The following POU6F2 variants were observed in gnomAD, a reference collection of about 807,000 sequenced individuals.
POU6F2 encodes the protein POU domain, class 6, transcription factor 2.
Under a neutral mutation model 71.3 loss-of-function variants are expected in POU6F2, and 31 were observed. The observed-to-expected ratio is 0.43, with a 90% confidence interval of 0.33 to 0.59. POU6F2 has a LOEUF of 0.59. POU6F2 is among the 20% of genes least tolerant of loss of function. POU6F2 has a pLI of 0.04. For synonymous variants in POU6F2, 347 were observed against 355.7 expected (o/e 0.98, Z 0.27); for missense variants, 783 against 856.8 (o/e 0.91, Z 1.07).
chr7:39,144,586 G>C (rs1008891661), intron 2 of POU6F2, among the ~76,000 whole-genome samples: 36 of 152,154 alleles, frequency 2.4e-4, no homozygotes, highest in African/African-American at 8.7e-4. Context: ...AGTTCAAGTG[G>C]CCTTTGGAGT....
chr7:39,229,676 T>C (rs533827456), intron 4 of POU6F2, among the ~76,000 whole-genome samples: 3 of 152,316 alleles, frequency 2.0e-5, no homozygotes, highest in African/African-American at 7.2e-5. Context: ...TCAGTAATGA[T>C]CCAAATATTA....
chr7:39,074,614 C>T (rs572455720), intron 1 of POU6F2, among the ~76,000 whole-genome samples: 15 of 151,978 alleles, frequency 9.9e-5, no homozygotes, highest in Non-Finnish European at 1.8e-4. Context: ...CAGCACTGTC[C>T]TAATATTTGA....
intron 4 of POU6F2, among the ~76,000 whole-genome samples, chr7:39,214,330 C>T (rs1794198755): frequency 6.6e-6 from 1 of 152,254 alleles, no homozygotes; most frequent in African/African-American, 2.4e-5. Flanking sequence ...GCCTTCCTTC[C>T]TCCTCCTCCC....
intron 4 of POU6F2, among the ~76,000 whole-genome samples, chr7:39,304,765 A>G (rs1785019378): frequency 1.3e-5 from 2 of 152,340 alleles, no homozygotes; most frequent in African/African-American, 4.8e-5. Flanking sequence ...TCTTGCAGAA[A>G]ATGTCTAAAT....
At chr7:39,341,332 G>T (rs1223375547) in intron 5 of POU6F2, among the ~76,000 whole-genome samples, 1 of 152,048 alleles carries the variant, frequency 6.6e-6, no homozygotes, top group Admixed American at 6.6e-5. Flanking sequence ...CTTTCAATTT[G>T]AACATTTTCA....
chr7:39,420,759 G>T (rs906372207), intron 6 of POU6F2, among the ~76,000 whole-genome samples: 1 of 152,098 alleles, frequency 6.6e-6, no homozygotes, highest in East Asian at 1.9e-4. Flanking sequence ...TATAGGGCTA[G>T]TCTATGAATG....
chr7:39,099,162 C>A, intron 2 of POU6F2, among the ~76,000 whole-genome samples: 1 of 152,212 alleles, frequency 6.6e-6, no homozygotes, highest in East Asian at 1.9e-4. Context: ...TGGAACAGGG[C>A]AGTTACACAT....
intron 2 of POU6F2, among the ~76,000 whole-genome samples, chr7:39,134,287 T>A (rs929115996): frequency 6.6e-6 from 1 of 152,204 alleles, no homozygotes; most frequent in African/African-American, 2.4e-5. Flanking sequence ...TATATGAGAA[T>A]CACCTGGTAG....
chr7:39,354,559 T>C (rs1357137598), intron 5 of POU6F2, among the ~76,000 whole-genome samples: 5 of 152,196 alleles, frequency 3.3e-5, no homozygotes, highest in Non-Finnish European at 7.3e-5. Flanking sequence ...TACCATACCA[T>C]GTGTTCAGGG....
intron 1 of POU6F2, among the ~76,000 whole-genome samples, chr7:39,081,319 A>T (rs747003981): frequency 1.3e-5 from 2 of 152,226 alleles, no homozygotes; most frequent in Non-Finnish European, 2.9e-5. Context: ...TCTATTAGAT[A>T]ATATAAGAGT....
intron 1 of POU6F2, among the ~76,000 whole-genome samples, chr7:38,989,121 C>G (rs1307758547): frequency 6.6e-6 from 1 of 152,038 alleles, no homozygotes; most frequent in East Asian, 1.9e-4. Flanking sequence ...AGAGCTGCTC[C>G]TAACTTTGAG....
chr7:39,004,853 G>A (rs955165792), intron 1 of POU6F2, among the ~76,000 whole-genome samples: 6 of 152,066 alleles, frequency 3.9e-5, no homozygotes, highest in Admixed American at 6.6e-5. Context: ...ATGTGATGCC[G>A]CCCTGATTTG....
At chr7:38,989,167 C>T (rs930146924) in intron 1 of POU6F2, among the ~76,000 whole-genome samples, 1 of 151,994 alleles carries the variant, frequency 6.6e-6, no homozygotes, top group African/African-American at 2.4e-5. Context: ...AGTTGATGTC[C>T]CAATCCTCCA....
intron 4 of POU6F2, among the ~76,000 whole-genome samples, chr7:39,238,130 A>G (rs1222928144): frequency 6.6e-6 from 1 of 152,174 alleles, no homozygotes; most frequent in East Asian, 1.9e-4. Context: ...CTAAATGTGC[A>G]TGGAAAGAGC....
chr7:39,225,966 AGGTTGTTTTTTTTT>A lies in POU6F2; in HGVS notation c.598+18347_598+18360del. Among the ~76,000 whole-genome samples, 3 of 151,636 alleles carry A rather than the reference AGGTTGTTTTTTTTT, an allele frequency of 2.0e-5. 1 individual carries two copies. In the East Asian group the frequency reaches 5.8e-4, roughly 29 times the overall value. On this transcript the variant is annotated intron_variant, in intron 4 of 9. Coordinates refer to ENST00000518318, the MANE Select transcript of POU6F2 (RefSeq NM_001370959.1). ...TAGAATTAATTCCTTTAAAAAAAAA[AGGTTGTTTTTTTTT>A]AAAAAAAACCAACATTTTTCTAATG...
At chr7:39,100,330 C>T (rs1335419575) in intron 2 of POU6F2, among the ~76,000 whole-genome samples, 1 of 152,214 alleles carries the variant, frequency 6.6e-6, no homozygotes, top group East Asian at 1.9e-4. Context: ...TTGGAGCCAT[C>T]ATTGGGAAGA....
At chr7:39,351,807 C>T (rs1786144380) in intron 5 of POU6F2, among the ~76,000 whole-genome samples, 2 of 152,154 alleles carry the variant, frequency 1.3e-5, no homozygotes, top group Admixed American at 1.3e-4. Flanking sequence ...CACATGAGGA[C>T]GTTAGGTGTG....
In POU6F2 at chr7:39,080,016, C is replaced by T. The variant is rs186582648; in HGVS notation, c.106-5844C>T. 2.2e-3 allele frequency among the ~76,000 whole-genome samples: 331 copies of T among 152,212 alleles called. 2 individuals are homozygous for T. Among genetic ancestry groups the T allele is most frequent in the Non-Finnish European group, 4.0e-3 (269 of 68,004 alleles). ...GGTGAATTTATAATACTTTTAGCATCCTTCTTTGATCTTCCCAAATTTTCA... is the reference window on the plus strand; with the variant it reads ...GGTGAATTTATAATACTTTTAGCATTCTTCTTTGATCTTCCCAAATTTTCA... On this transcript the variant is annotated intron_variant, in intron 1 of 9. Coordinates refer to ENST00000518318, the MANE Select transcript of POU6F2 (RefSeq NM_001370959.1).
At chr7:39,035,938 G>T (rs1426797967) in intron 1 of POU6F2, among the ~76,000 whole-genome samples, 1 of 151,654 alleles carries the variant, frequency 6.6e-6, no homozygotes, top group Non-Finnish European at 1.5e-5. Context: ...TTTAAACAAA[G>T]AGCTAATTGA....
Sources: allele counts gnomAD v4.1 joint callset (sites outside exome capture counted in the v4.1 genomes callset), GRCh38; gene constraint gnomAD v4.1.1; transcripts MANE v1.5; gene names NCBI Gene and HGNC (gene_info 2026-07-23, HGNC 2026-07-21).